SMAD6: variants seen among roughly 807,000 people sequenced by gnomAD.
SMAD6 encodes MAD homolog 6.
SMAD6 carries 103 observed loss-of-function variants against 39.4 expected under a neutral mutation model. That is an observed-to-expected ratio of 2.62 (90% CI 2.23 to 3.08). The LOEUF is 3.08. Ranked by LOEUF, SMAD6 falls within the 30% of genes most tolerant of loss-of-function variation. The pLI is 0.00. For synonymous variants in SMAD6, 445 were observed against 353.3 expected (o/e 1.26, Z -2.91); for missense variants, 1,104 against 742.9 (o/e 1.49, Z -5.65).
intron 1 of SMAD6, chr15:66,708,586 C>A: frequency 5.1e-6 from 2 of 388,834 alleles, no homozygotes; most frequent in Non-Finnish European, 1.1e-5. Context: ...TATCATTCAC[C>A]CATGAAAAAG....
chr15:66,771,790 C>A (rs550155335), intron 3 of SMAD6, among the ~76,000 whole-genome samples: 1 of 151,188 alleles, frequency 6.6e-6, no homozygotes, highest in Non-Finnish European at 1.5e-5. Context: ...TGGGACTAGC[C>A]GGGGCTAGCA....
intron 1 of SMAD6, chr15:66,708,410 T>C (rs1351211255): frequency 4.7e-6 from 1 of 215,052 alleles, no homozygotes; most frequent in Non-Finnish European, 9.8e-6. Flanking sequence ...GCCCTGGGGC[T>C]CCACCAGTCC....
chr15:66,716,298 A>T (rs947279007), intron 2 of SMAD6, 123 bp from the exon 3 acceptor site: 1 of 726,582 alleles, frequency 1.4e-6, no homozygotes, highest in Non-Finnish European at 2.4e-6. Context: ...TGGGAGGGAC[A>T]TGCTGCCCTT....
intron 2 of SMAD6, among the ~76,000 whole-genome samples, chr15:66,713,465 A>G (rs1005325907): frequency 6.6e-6 from 1 of 152,154 alleles, no homozygotes; most frequent in Non-Finnish European, 1.5e-5. Context: ...GACTGCAGGC[A>G]CGCGCCACCA....
chr15:66,781,815 T>C lies in SMAD6; in HGVS notation c.*280T>C, dbSNP rs1032343746. The C allele has an allele frequency of 1.1e-4, 42 of 398,830 alleles. No homozygotes were observed. Among genetic ancestry groups the C allele is most frequent in the Non-Finnish European group, 1.8e-4 (40 of 226,106 alleles). The allele number at this position is 398,830 out of a possible 1,614,324, so 24.7% of individuals were successfully genotyped here. On this transcript the variant is annotated 3_prime_UTR_variant, in exon 4 of 4. Coordinates refer to ENST00000288840, the MANE Select transcript of SMAD6 (RefSeq NM_005585.5). ...TGGCTTATAATTCTTTCAATACAGA[T>C]ATATTTTCTTTCTCTTCCTCCTTCC...
intron 3 of SMAD6, among the ~76,000 whole-genome samples, chr15:66,733,163 G>A (rs1893659513): frequency 2.0e-5 from 3 of 152,056 alleles, no homozygotes; most frequent in Non-Finnish European, 4.4e-5. Flanking sequence ...TGGTCTACGT[G>A]TCTATCCTTT....
intron 1 of SMAD6, among the ~76,000 whole-genome samples, chr15:66,708,542 G>C (rs1893164912): frequency 6.6e-6 from 1 of 152,238 alleles, no homozygotes; most frequent in East Asian, 1.9e-4. Context: ...CTGATAAATG[G>C]ATAAATGAAA....
Position 66,749,490 on chromosome 15 carries a change from C to T in SMAD6, c.953-31507C>T, listed in dbSNP as rs574187017. On this transcript the variant is annotated intron_variant, in intron 3 of 3. Transcript: ENST00000288840. ...AACAAACAAACAAAAATTAGGCAGGCGTCGTGGCATGCACCTACCCAGGAG... is the reference window on the plus strand; with the variant it reads ...AACAAACAAACAAAAATTAGGCAGGTGTCGTGGCATGCACCTACCCAGGAG... 4.1e-4 allele frequency among the ~76,000 whole-genome samples: 63 copies of T among 152,140 alleles called. No individual in the cohort carries two copies. The South Asian group carries it at 0.011, about 27-fold the overall frequency.
chr15:66,713,464 C>T (rs1893269930), intron 2 of SMAD6, among the ~76,000 whole-genome samples: 1 of 152,186 alleles, frequency 6.6e-6, no homozygotes, highest in Non-Finnish European at 1.5e-5. Context: ...GGACTGCAGG[C>T]ACGCGCCACC....
intron 1 of SMAD6, chr15:66,707,802 T>G (rs1213767112): frequency 6.6e-6 from 1 of 152,360 alleles, no homozygotes; most frequent in African/African-American, 2.4e-5. Flanking sequence ...CAGCCCCTCT[T>G]TGGGAGGGGG....
At chr15:66,705,422 C>A (rs76722162) in intron 1 of SMAD6, 32,665 of 151,896 alleles carry the variant, frequency 0.22, 3,639 homozygotes, top group Middle Eastern at 0.34. Flanking sequence ...AGCCCCTGAT[C>A]TGTGGCTCAT....
chr15:66,738,784 G>A (rs1893760450), intron 3 of SMAD6, among the ~76,000 whole-genome samples: 1 of 152,102 alleles, frequency 6.6e-6, no homozygotes, highest in East Asian at 1.9e-4. Context: ...GGGCTGAAAT[G>A]GAGGAGGGAT....
At chr15:66,729,191 C>T (rs1893577921) in intron 3 of SMAD6, among the ~76,000 whole-genome samples, 1 of 152,268 alleles carries the variant, frequency 6.6e-6, no homozygotes, top group Non-Finnish European at 1.5e-5. Context: ...TGGTGGCCAT[C>T]CTGCTACTCA....
chr15:66,712,249 A>G (rs1270044554), intron 2 of SMAD6, among the ~76,000 whole-genome samples: 1 of 152,214 alleles, frequency 6.6e-6, no homozygotes, highest in Non-Finnish European at 1.5e-5. Context: ...TTGGTACACA[A>G]AGCCCCTGGC....
At chr15:66,724,302 GAATGAATGAA>G (rs1030131157) in intron 3 of SMAD6, among the ~76,000 whole-genome samples, 3 of 151,936 alleles carry the variant, frequency 2.0e-5, no homozygotes, top group African/African-American at 7.3e-5. Context: ...ATGAATGAAT[GAATGAATGAA>G]AATGAATGAA....
At position 66,781,230 on chromosome 15, in the gene SMAD6, GAGCCC is replaced by G; in HGVS notation, c.1187_1191del (p.Glu396GlyfsTer167). 1 of 1,608,700 alleles carries G rather than the reference GAGCCC, an allele frequency of 6.2e-7. No homozygotes were observed. Among genetic ancestry groups the G allele is most frequent in the Non-Finnish European group, 8.5e-7 (1 of 1,179,666 alleles). On this transcript the variant is annotated frameshift_variant, in exon 4 of 4. Transcript: ENST00000288840. LOFTEE classifies it high-confidence loss of function. ...CGGCTTCGGCATCCTGCTCAGCAAG[GAGCCC>G]GACGGCGTGTGGGCCTACAACCGCG...
chr15:66,763,289 C>T (rs115519458), intron 3 of SMAD6, among the ~76,000 whole-genome samples: 5 of 152,188 alleles, frequency 3.3e-5, no homozygotes, highest in African/African-American at 7.2e-5. Context: ...TGCAGGGTAG[C>T]GCCAGGACAG....
intron 3 of SMAD6, among the ~76,000 whole-genome samples, chr15:66,775,945 T>C (rs1056348012): frequency 5.3e-5 from 8 of 151,926 alleles, no homozygotes; most frequent in Non-Finnish European, 1.0e-4. Flanking sequence ...AAGTACAGAG[T>C]GGGGACCATG....
intron 3 of SMAD6, among the ~76,000 whole-genome samples, chr15:66,752,558 G>A (rs985437914): frequency 5.9e-5 from 9 of 152,148 alleles, no homozygotes; most frequent in African/African-American, 2.2e-4. Flanking sequence ...GGCTGAGGCA[G>A]GAGGATTACT....
Sources: gnomAD v4.1 joint callset for allele counts (sites outside exome capture counted in the v4.1 genomes callset) on GRCh38, gnomAD v4.1.1 for gene constraint, MANE v1.5 for transcripts, NCBI Gene and HGNC (gene_info 2026-07-23, HGNC 2026-07-21) for gene names.